The following PPP2R2D variants were observed in gnomAD, a reference collection of about 807,000 sequenced individuals.
The protein encoded by PPP2R2D is protein phosphatase 2 regulatory subunit Bdelta.
PPP2R2D carries 9 observed loss-of-function variants against 31.1 expected under a neutral mutation model. The ratio of observed to expected loss-of-function variants is 0.29; its 90% CI spans 0.17 to 0.51. The LOEUF (loss-of-function observed/expected upper bound fraction) is 0.51, where lower values mean the gene tolerates loss of function less well. Among genes scored for constraint, PPP2R2D ranks in the 20% least tolerant of loss-of-function variants. The probability of loss-of-function intolerance (pLI) is 0.98; values close to 1 mark genes in which losing one functional copy is unlikely to be tolerated. For synonymous variants in PPP2R2D, 179 were observed against 172.6 expected, an observed-to-expected ratio of 1.04 and a Z score of -0.29; for missense variants, 391 against 465.6, an observed-to-expected ratio of 0.84 and a Z score of 1.48.
At chr10:131,962,333 C>T (rs9419388), downstream of PPP2R2D, among the ~76,000 whole-genome samples, 22,662 of 152,150 alleles carry the variant, frequency 0.15, 1,893 homozygotes, top group African/African-American at 0.21. Context: ...TCTCCAGCTC[C>T]ACGCGGTCAC....
intron 5 of PPP2R2D, among the ~76,000 whole-genome samples, chr10:131,941,248 A>G (rs2119854119): frequency 6.6e-6 from 1 of 152,366 alleles, no homozygotes; most frequent in East Asian, 1.9e-4. Context: ...TGAAATGATC[A>G]TATTTCATCA....
intron 3 of PPP2R2D, among the ~76,000 whole-genome samples, chr10:131,935,275 C>T (rs1380428556): frequency 1.3e-5 from 2 of 152,234 alleles, no homozygotes; most frequent in Admixed American, 1.3e-4. Context: ...TGGCTCTGTG[C>T]AGCTAAGCCT....
intron 8 of PPP2R2D, among the ~76,000 whole-genome samples, chr10:131,949,226 G>T (rs1340301186): frequency 6.6e-6 from 1 of 152,216 alleles, no homozygotes; most frequent in Non-Finnish European, 1.5e-5. Flanking sequence ...CCCACGGGTG[G>T]ACACTTGAGG....
In PPP2R2D at chr10:131,958,439, G is replaced by T. The variant is rs1159307095; in HGVS notation, c.*2476G>T. On this transcript the variant is annotated 3_prime_UTR_variant, in exon 9 of 9. Transcript: ENST00000455566. Reference sequence around the variant, plus strand: ...TGTGCTGATCCCCCATCCCCCTGTGGGGATGAAGGTGTGTGCTGATCCCCC... The same window carrying T: ...TGTGCTGATCCCCCATCCCCCTGTGTGGATGAAGGTGTGTGCTGATCCCCC... 2 of 203,352 alleles carry T rather than the reference G, an allele frequency of 9.8e-6. No homozygotes were observed. The highest frequency in any genetic ancestry group is 5.0e-5 in the African/African-American group (2 of 39,852). 12.6% of individuals were successfully genotyped at this position (203,352 alleles called of 1,614,324 possible). A position where few individuals can be genotyped will look rare whatever the true frequency, so the allele number is the denominator to read the frequency against.
At chr10:131,960,156 A>G (rs1475342499), downstream of PPP2R2D, among the ~76,000 whole-genome samples, 2 of 152,246 alleles carry the variant, frequency 1.3e-5, no homozygotes, top group African/African-American at 2.4e-5. Flanking sequence ...CCACGCACCT[A>G]TGTCCGCAAA....
At chr10:131,943,836 G>T in intron 5 of PPP2R2D, 132 bp from the exon 6 acceptor site, 1 of 607,076 alleles carries the variant, frequency 1.6e-6, no homozygotes. Context: ...TGGTTATTTG[G>T]GGGTATTGCC....
Position 131,956,658 on chromosome 10 carries a change from G to T in PPP2R2D, c.*695G>T. On this transcript the variant is annotated 3_prime_UTR_variant, in exon 9 of 9. Coordinates refer to ENST00000455566, the MANE Select transcript of PPP2R2D (RefSeq NM_018461.5). Reference sequence around the variant, plus strand: ...ATGTGTGTCCTTCTTTGGCAGCGTGGGGGTATGTGTGCAGCATTTCTGTCC... The same window carrying T: ...ATGTGTGTCCTTCTTTGGCAGCGTGTGGGTATGTGTGCAGCATTTCTGTCC... 1 of 727,568 alleles carries T rather than the reference G, an allele frequency of 1.4e-6. No homozygotes were observed. The highest frequency in any genetic ancestry group is 1.7e-6 in the Non-Finnish European group (1 of 594,422). The allele number at this position is 727,568 out of a possible 1,614,324, so 45.1% of individuals were successfully genotyped here. A position where few individuals can be genotyped will look rare whatever the true frequency, so the allele number is the denominator to read the frequency against.
chr10:131,971,191 G>C, the PPP2R2D span: 2 of 561,134 alleles, frequency 3.6e-6, no homozygotes, highest in African/African-American at 1.9e-5. Flanking sequence ...TCCAGGGACA[G>C]ATCACCTCTG....
At chr10:131,924,337 A>G (rs1300853600) in intron 2 of PPP2R2D, among the ~76,000 whole-genome samples, 1 of 152,160 alleles carries the variant, frequency 6.6e-6, no homozygotes, top group Non-Finnish European at 1.5e-5. Flanking sequence ...GCAGTTAATT[A>G]CATTTATATA....
intron 2 of PPP2R2D, among the ~76,000 whole-genome samples, chr10:131,910,368 TCTC>T (rs1264026904): frequency 6.6e-6 from 1 of 152,176 alleles, no homozygotes; most frequent in African/African-American, 2.4e-5. Context: ...TCATCACTGA[TCTC>T]ATCAGAAGAA....
intron 2 of PPP2R2D, among the ~76,000 whole-genome samples, chr10:131,905,591 T>C (rs1331099454): frequency 6.6e-6 from 1 of 152,156 alleles, no homozygotes; most frequent in Non-Finnish European, 1.5e-5. Context: ...GAGTGGTCAT[T>C]CTGTGCTAGA....
At chr10:131,917,731 G>A (rs370323793) in intron 2 of PPP2R2D, among the ~76,000 whole-genome samples, 2 of 121,630 alleles carry the variant, frequency 1.6e-5, no homozygotes, top group East Asian at 3.7e-4. Flanking sequence ...GGGACCTCAC[G>A]TGGGTGGAAT....
At position 131,957,053 on chromosome 10, in the gene PPP2R2D, G is replaced by T. The variant is rs558647626; in HGVS notation, c.*1090G>T. The T allele has an allele frequency of 6.6e-6, 1 of 152,392 alleles. No homozygotes were observed. The highest frequency in any genetic ancestry group is 2.4e-5 in the African/African-American group (1 of 41,572). 9.4% of individuals were successfully genotyped at this position (152,392 alleles called of 1,614,324 possible). A position where few individuals can be genotyped will look rare whatever the true frequency, so the allele number is the denominator to read the frequency against. On this transcript the variant is annotated 3_prime_UTR_variant, in exon 9 of 9. Coordinates refer to ENST00000455566, the MANE Select transcript of PPP2R2D (RefSeq NM_018461.5). Reference sequence around the variant, plus strand: ...TAGGATCTTTGATACCAGAAATCAAGATTTTCCAAGACAAATAATACAGAG... The same window carrying T: ...TAGGATCTTTGATACCAGAAATCAATATTTTCCAAGACAAATAATACAGAG...
At chr10:131,935,757 A>G (rs1353629326) in intron 3 of PPP2R2D, among the ~76,000 whole-genome samples, 4 of 152,210 alleles carry the variant, frequency 2.6e-5, no homozygotes, top group Non-Finnish European at 4.4e-5. Flanking sequence ...ATATCACACA[A>G]TGCTACTTAA....
At chr10:131,944,607 T>G (rs1308701516) in intron 6 of PPP2R2D, among the ~76,000 whole-genome samples, 2 of 152,216 alleles carry the variant, frequency 1.3e-5, no homozygotes, top group African/African-American at 4.8e-5. Context: ...TGGGCCCCTT[T>G]CCAGCCAGCA....
Position 131,945,592 on chromosome 10 carries a change from T to C in PPP2R2D, c.820+133T>C. ...CTTCTGCCTCGGCCTCCCGAGTAGC[T>C]GGGACCACAGGCAGGTGCCACCATG... On this transcript the variant is annotated intron_variant, in intron 7 of 8. Coordinates refer to ENST00000455566, the MANE Select transcript of PPP2R2D (RefSeq NM_018461.5). The surrounding 1 kb of genome is among the most constrained non-coding windows in gnomAD (Gnocchi z 4.8). 1 of 1,063,640 alleles carries C rather than the reference T, an allele frequency of 9.4e-7. No homozygotes were observed. Among genetic ancestry groups the C allele is most frequent in the East Asian group, 2.6e-5 (1 of 38,212 alleles). The allele number at this position is 1,063,640 out of a possible 1,614,324, so 65.9% of individuals were successfully genotyped here.
At chr10:131,911,076 G>A (rs1306633817) in intron 2 of PPP2R2D, among the ~76,000 whole-genome samples, 5 of 152,154 alleles carry the variant, frequency 3.3e-5, no homozygotes, top group African/African-American at 9.7e-5. Flanking sequence ...GCTCAGTGAG[G>A]GTTGTGGACA....
rs782636800 is a variant in PPP2R2D at position 131,955,995 on chromosome 10, G to C, written c.*32G>C. ...GAACGTGAGGACCAAGTCTTGTCTT[G>C]CATAGTTAAGCCGGACATTTTTCTG... On this transcript the variant is annotated 3_prime_UTR_variant, in exon 9 of 9. Transcript: ENST00000455566. The C allele has an allele frequency of 1.4e-6, 2 of 1,416,232 alleles. No homozygotes were observed. The highest frequency in any genetic ancestry group is 3.6e-5 in the South Asian group (2 of 55,188). The allele number at this position is 1,416,232 out of a possible 1,614,324, so 87.7% of individuals were successfully genotyped here. A position where few individuals can be genotyped will look rare whatever the true frequency, so the allele number is the denominator to read the frequency against.
chr10:131,952,747 G>C (rs2036693296), intron 8 of PPP2R2D, among the ~76,000 whole-genome samples: 1 of 102,928 alleles, frequency 9.7e-6, no homozygotes, highest in Non-Finnish European at 1.9e-5. Flanking sequence ...TTAGTGACTT[G>C]CGGGTGTGCG....
Sources: allele counts gnomAD v4.1 joint callset (sites outside exome capture counted in the v4.1 genomes callset), GRCh38; gene constraint gnomAD v4.1.1; non-coding constraint Gnocchi (gnomAD v3.1); transcripts MANE v1.5; gene names NCBI Gene and HGNC (gene_info 2026-07-23, HGNC 2026-07-21).